CACNA2D3: variants seen among roughly 807,000 people sequenced by gnomAD.
CACNA2D3 encodes calcium voltage-gated channel auxiliary subunit alpha2delta 3, also known as voltage-dependent calcium channel subunit alpha-2/delta-3.
CACNA2D3 carries 60 observed loss-of-function variants against 160.6 expected under a neutral mutation model. The ratio of observed to expected loss-of-function variants is 0.37; its 90% CI spans 0.30 to 0.46. The LOEUF is 0.46. CACNA2D3 is among the 20% of genes least tolerant of loss of function. CACNA2D3 has a pLI of 1.00. For missense variants in CACNA2D3, 1,205 were observed against 1,365.0 expected, an observed-to-expected ratio of 0.88 and a Z score of 1.85; for synonymous variants, 558 against 492.9, an observed-to-expected ratio of 1.13 and a Z score of -1.75.
intron 3 of CACNA2D3, among the ~76,000 whole-genome samples, chr3:54,344,687 A>G (rs966499867): frequency 1.3e-5 from 2 of 152,078 alleles, no homozygotes; most frequent in African/African-American, 2.4e-5. Context: ...GGAGTGTCTC[A>G]GTTTCCCCAT....
chr3:54,235,973 G>C (rs531815761), intron 2 of CACNA2D3, among the ~76,000 whole-genome samples: 4 of 152,314 alleles, frequency 2.6e-5, no homozygotes, highest in African/African-American at 9.6e-5. Context: ...AACATTTATA[G>C]TGAGAAGTCA....
intron 5 of CACNA2D3, among the ~76,000 whole-genome samples, chr3:54,529,975 C>T (rs1701782610): frequency 2.0e-5 from 3 of 152,254 alleles, no homozygotes; most frequent in Middle Eastern, 6.8e-3. Context: ...AGCTGGCTGC[C>T]AGGCTGCCTT....
At chr3:54,456,805 A>G (rs77381750) in intron 4 of CACNA2D3, among the ~76,000 whole-genome samples, 2,589 of 151,818 alleles carry the variant, frequency 0.017, 71 homozygotes, top group African/African-American at 0.059. Flanking sequence ...TGAGTTTTCT[A>G]TTTCTTCTTG....
intron 4 of CACNA2D3, among the ~76,000 whole-genome samples, chr3:54,398,184 A>G (rs1374970018): frequency 7.6e-6 from 1 of 131,216 alleles, no homozygotes; most frequent in Non-Finnish European, 1.6e-5. Context: ...ATCTTCCTCC[A>G]TCCTTTTATT....
intron 13 of CACNA2D3, among the ~76,000 whole-genome samples, chr3:54,797,738 C>A (rs1004331892): frequency 1.3e-5 from 2 of 152,162 alleles, no homozygotes; most frequent in African/African-American, 4.8e-5. Flanking sequence ...CTTTTGCACA[C>A]CTTTTTGTCA....
At chr3:54,417,544 C>T (rs1699772989) in intron 4 of CACNA2D3, among the ~76,000 whole-genome samples, 1 of 132,194 alleles carries the variant, frequency 7.6e-6, no homozygotes, top group Non-Finnish European at 1.6e-5. Flanking sequence ...GTTGTATGCT[C>T]ATTCTTTTAG....
chr3:54,314,621 C>G (rs1703822385), intron 2 of CACNA2D3, among the ~76,000 whole-genome samples: 1 of 152,070 alleles, frequency 6.6e-6, no homozygotes. Flanking sequence ...AAGGTGGTTT[C>G]GCATTGTGGT....
intron 2 of CACNA2D3, among the ~76,000 whole-genome samples, chr3:54,195,528 A>G (rs1576991841): frequency 6.6e-6 from 1 of 152,226 alleles, no homozygotes; most frequent in Non-Finnish European, 1.5e-5. Flanking sequence ...TTACCTTCTC[A>G]TAGCCATGTG....
intron 13 of CACNA2D3, among the ~76,000 whole-genome samples, chr3:54,803,537 A>G (rs1703044836): frequency 6.6e-6 from 1 of 152,232 alleles, no homozygotes; most frequent in African/African-American, 2.4e-5. Flanking sequence ...CAAAGCCTCC[A>G]AGAAATATGG....
At chr3:54,425,673 C>T (rs1034289529) in intron 4 of CACNA2D3, among the ~76,000 whole-genome samples, 5 of 152,176 alleles carry the variant, frequency 3.3e-5, no homozygotes, top group African/African-American at 1.2e-4. Context: ...GAACTCACCT[C>T]TCTCTCATGA....
chr3:54,149,413 C>T (rs886349272), intron 2 of CACNA2D3, among the ~76,000 whole-genome samples: 1 of 152,140 alleles, frequency 6.6e-6, no homozygotes, highest in African/African-American at 2.4e-5. Flanking sequence ...TCAGGAGGAC[C>T]ACCTGGGAAA....
chr3:54,292,481 A>T (rs1286905394), intron 2 of CACNA2D3, among the ~76,000 whole-genome samples: 1 of 152,192 alleles, frequency 6.6e-6, no homozygotes, highest in Non-Finnish European at 1.5e-5. Context: ...GCTCAATAAT[A>T]AAAAGACAAC....
chr3:54,553,409 T>C (rs1163077203), intron 5 of CACNA2D3, among the ~76,000 whole-genome samples: 1 of 152,170 alleles, frequency 6.6e-6, no homozygotes, highest in Non-Finnish European at 1.5e-5. Context: ...CTGCGTGGGC[T>C]CAATCCCCAG....
intron 27 of CACNA2D3, among the ~76,000 whole-genome samples, chr3:54,939,492 C>G (rs1292970987): frequency 1.3e-5 from 2 of 152,174 alleles, no homozygotes; most frequent in African/African-American, 4.8e-5. Flanking sequence ...TCCCGCTGCC[C>G]ATTTCTTCAG....
chr3:54,875,363 C>A (rs1247370601), intron 18 of CACNA2D3: 2 of 152,188 alleles, frequency 1.3e-5, no homozygotes, highest in African/African-American at 4.8e-5. Context: ...GAATGACAGA[C>A]CTGTTTATCC....
chr3:54,442,454 G>T (rs1700159712), intron 4 of CACNA2D3, among the ~76,000 whole-genome samples: 1 of 152,164 alleles, frequency 6.6e-6, no homozygotes, highest in Non-Finnish European at 1.5e-5. Flanking sequence ...AAGATGGTGG[G>T]CTTGGAAGAT....
chr3:54,792,534 G>T (rs1230948252), intron 13 of CACNA2D3, among the ~76,000 whole-genome samples: 1 of 152,128 alleles, frequency 6.6e-6, no homozygotes, highest in Non-Finnish European at 1.5e-5. Flanking sequence ...ATGCTGTCAG[G>T]AATCTGCCTC....
At chr3:55,042,332 T>G (rs991532462) in intron 35 of CACNA2D3, among the ~76,000 whole-genome samples, 1 of 152,174 alleles carries the variant, frequency 6.6e-6, no homozygotes, top group Non-Finnish European at 1.5e-5. Flanking sequence ...CCTGTTATTA[T>G]GTGCTTACAC....
chr3:54,136,663 C>A (rs979022160), intron 2 of CACNA2D3, among the ~76,000 whole-genome samples: 1 of 152,202 alleles, frequency 6.6e-6, no homozygotes, highest in African/African-American at 2.4e-5. Context: ...TGTGCCCATG[C>A]CCGTGCCATT....
Sources: gnomAD v4.1 joint callset for allele counts (sites outside exome capture counted in the v4.1 genomes callset) on GRCh38, gnomAD v4.1.1 for gene constraint, MANE v1.5 for transcripts, NCBI Gene and HGNC (gene_info 2026-07-23, HGNC 2026-07-21) for gene names.